Variants in STK32C observed in about 807,000 individuals in gnomAD.
The protein encoded by STK32C is serine/threonine-protein kinase 32C.
In STK32C, 31 loss-of-function variants were observed where a neutral mutation model predicts 56.5. The ratio of observed to expected loss-of-function variants is 0.55; its 90% confidence interval spans 0.41 to 0.74. The LOEUF (loss-of-function observed/expected upper bound fraction) is 0.74, where lower values mean the gene tolerates loss of function less well. Among genes scored for constraint, STK32C ranks in the 30% least tolerant of loss-of-function variants. The pLI, the probability that STK32C is intolerant of heterozygous loss-of-function variation, is 0.00. For missense variants in STK32C, 544 were observed against 676.9 expected (o/e 0.80, Z 2.18); for synonymous variants, 309 against 289.4 (o/e 1.07, Z -0.69).
At chr10:132,325,548 G>A (rs1350701619) in intron 1 of STK32C, among the ~76,000 whole-genome samples, 2 of 141,678 alleles carry the variant, frequency 1.4e-5, no homozygotes, top group South Asian at 2.5e-4. Context: ...GCAAGAGTCC[G>A]TCTTAAAAAA....
chr10:132,331,411 C>A, intron 1 of STK32C: 2 of 1,588,984 alleles, frequency 1.3e-6, no homozygotes, highest in Non-Finnish European at 1.7e-6. Flanking sequence ...TCCAAATTCT[C>A]AAAACCCTTC....
chr10:132,321,765 G>T (rs1490414928), downstream of STK32C, among the ~76,000 whole-genome samples: 2 of 152,154 alleles, frequency 1.3e-5, no homozygotes, highest in Non-Finnish European at 2.9e-5. Context: ...GCGGAGGGTT[G>T]GTCATTCATT....
chr10:132,272,335 C>T (rs1254785722), intron 1 of STK32C, among the ~76,000 whole-genome samples: 3 of 152,358 alleles, frequency 2.0e-5, no homozygotes, highest in South Asian at 4.1e-4. Flanking sequence ...CGCGTGGTCT[C>T]GGACTTCCAG....
chr10:132,253,207 C>T (rs2063968960), intron 1 of STK32C, among the ~76,000 whole-genome samples: 1 of 152,264 alleles, frequency 6.6e-6, no homozygotes, highest in African/African-American at 2.4e-5. Context: ...GAAAGCAGCA[C>T]TCCAACGCAA....
At chr10:132,263,006 A>T (rs929776666) in intron 1 of STK32C, among the ~76,000 whole-genome samples, 1 of 152,366 alleles carries the variant, frequency 6.6e-6, no homozygotes, top group Non-Finnish European at 1.5e-5. Context: ...TGGGAATCTA[A>T]ATTAGTTCAG....
At chr10:132,210,224 G>A (rs1178025005) in intron 10 of STK32C, among the ~76,000 whole-genome samples, 1 of 152,182 alleles carries the variant, frequency 6.6e-6, no homozygotes, top group Non-Finnish European at 1.5e-5. Context: ...CTGTCACAGT[G>A]TCGTCTGTGC....
intron 4 of STK32C, 115 bp downstream of exon 4, chr10:132,226,680 C>T: frequency 7.9e-7 from 1 of 1,268,784 alleles, no homozygotes; most frequent in East Asian, 2.5e-5. Context: ...AAGGGTGGGG[C>T]AGAGGAGCTA....
chr10:132,300,068 G>A (rs1236280740), intron 1 of STK32C, among the ~76,000 whole-genome samples: 1 of 152,230 alleles, frequency 6.6e-6, no homozygotes, highest in Non-Finnish European at 1.5e-5. Context: ...CAACGCCCGT[G>A]CTAGACTCCT....
chr10:132,233,987 C>T (rs1449104101), intron 2 of STK32C, among the ~76,000 whole-genome samples: 1 of 152,226 alleles, frequency 6.6e-6, no homozygotes, highest in African/African-American at 2.4e-5. Flanking sequence ...CTACTATGGA[C>T]ATACTGTTTT....
chr10:132,277,345 A>G (rs2065023716), intron 1 of STK32C, among the ~76,000 whole-genome samples: 3 of 152,194 alleles, frequency 2.0e-5, no homozygotes, highest in African/African-American at 7.2e-5. Flanking sequence ...GCTCCAGCCC[A>G]CCATTCCTGT....
At chr10:132,280,757 T>C (rs1229307869) in intron 1 of STK32C, among the ~76,000 whole-genome samples, 1 of 138,560 alleles carries the variant, frequency 7.2e-6, no homozygotes, top group Non-Finnish European at 1.6e-5. Flanking sequence ...TTGCATTCCA[T>C]GATCACTGAG....
At chr10:132,218,991 A>C (rs2062551748) in intron 10 of STK32C, among the ~76,000 whole-genome samples, 1 of 152,210 alleles carries the variant, frequency 6.6e-6, no homozygotes, top group East Asian at 1.9e-4. Context: ...AAACGCCCAC[A>C]ACAGGCAACC....
chr10:132,287,215 A>C (rs1172237912), intron 1 of STK32C, among the ~76,000 whole-genome samples: 1 of 152,130 alleles, frequency 6.6e-6, no homozygotes, highest in Non-Finnish European at 1.5e-5. Context: ...ATTTTTGGCC[A>C]GGCACGGTGG....
chr10:132,249,669 G>A (rs560357644), intron 1 of STK32C, among the ~76,000 whole-genome samples: 1 of 152,284 alleles, frequency 6.6e-6, no homozygotes, highest in South Asian at 2.1e-4. Context: ...AGCTCCTGCT[G>A]CCCCCAGGTG....
At chr10:132,308,709 C>A (rs1170613440), upstream of STK32C, among the ~76,000 whole-genome samples, 7 of 152,326 alleles carry the variant, frequency 4.6e-5, no homozygotes, top group African/African-American at 1.4e-4. Context: ...CCTGAGACCG[C>A]GTGCCCGAGT....
chr10:132,319,810 G>A (rs556592265), downstream of STK32C, among the ~76,000 whole-genome samples: 1 of 151,028 alleles, frequency 6.6e-6, no homozygotes, highest in Non-Finnish European at 1.5e-5. Context: ...GTAGCCAAGG[G>A]TTTTTTTTTC....
intron 2 of STK32C, among the ~76,000 whole-genome samples, chr10:132,230,004 A>G (rs971356595): frequency 1.3e-5 from 2 of 152,224 alleles, no homozygotes; most frequent in African/African-American, 4.8e-5. Context: ...AGGGACAGGA[A>G]GAGCCTTGTG....
intron 1 of STK32C, among the ~76,000 whole-genome samples, chr10:132,328,275 C>A (rs1055035003): frequency 6.6e-6 from 1 of 151,630 alleles, no homozygotes; most frequent in Non-Finnish European, 1.5e-5. Context: ...CATAGGGGGT[C>A]GAAGTGAGGT....
rs1193958448 is a variant in STK32C, at chr10:132,324,076, C to CA, written c.*157dup. On this transcript the variant is annotated 3_prime_UTR_variant, in exon 2 of 2. Coordinates refer to the STK32C transcript ENST00000368619. ...TAAACCCCACCTCCCAACACACCCA[C>CA]ACCTGGACCAAATTTCCAGCATATG... The CA allele has an allele frequency of 4.9e-6, 3 of 615,932 alleles. No individual in the cohort carries two copies. In the Admixed American group the frequency reaches 8.4e-5, roughly 17 times the overall value. 38.2% of individuals were successfully genotyped at this position (615,932 alleles called of 1,614,324 possible). A position where few individuals can be genotyped will look rare whatever the true frequency, so the allele number is the denominator to read the frequency against.
Sources: allele counts gnomAD v4.1 joint callset (sites outside exome capture counted in the v4.1 genomes callset), GRCh38; gene constraint gnomAD v4.1.1; transcripts MANE v1.5; gene names NCBI Gene and HGNC (gene_info 2026-07-23, HGNC 2026-07-21).